Variants in SND1 observed in about 807,000 individuals in gnomAD.
SND1 encodes the protein staphylococcal nuclease domain-containing protein 1.
SND1 carries 38 observed loss-of-function variants against 121.7 expected under a neutral mutation model. The observed-to-expected ratio is 0.31, with a 90% CI of 0.24 to 0.41. The LOEUF (loss-of-function observed/expected upper bound fraction) is 0.41, where lower values mean the gene tolerates loss of function less well. Ranked by LOEUF, SND1 falls within the 10% of genes least tolerant of loss-of-function variation. The pLI, the probability that SND1 is intolerant of heterozygous loss-of-function variation, is 1.00. For missense variants in SND1, 868 were observed against 1,184.6 expected (o/e 0.73, Z 3.92); for synonymous variants, 401 against 447.4 (o/e 0.90, Z 1.31).
chr7:127,892,240 T>G lies in SND1; in HGVS notation c.1454+4228T>G, dbSNP rs149631505. Among the ~76,000 whole-genome samples the G allele has an allele frequency of 1.1e-4, 17 of 152,260 alleles. No individual in the cohort carries two copies. The East Asian group carries it at 3.3e-3, about 30-fold the overall frequency. ...TTTCTCAGGGCTCTGCAGCCCCTAC[T>G]TCCTCTGCAAAGGGATATGATCTGC... On this transcript the variant is annotated intron_variant, in intron 13 of 23. Transcript: ENST00000354725.
intron 12 of SND1, among the ~76,000 whole-genome samples, chr7:127,845,621 G>A (rs992222956): frequency 6.6e-6 from 1 of 152,198 alleles, no homozygotes; most frequent in Admixed American, 6.5e-5. Flanking sequence ...ATGCTTCCCT[G>A]TTGTAGAGAC....
At chr7:128,062,139 T>C (rs1793241626) in intron 16 of SND1, among the ~76,000 whole-genome samples, 1 of 152,234 alleles carries the variant, frequency 6.6e-6, no homozygotes, top group Non-Finnish European at 1.5e-5. Flanking sequence ...ATCTGGAGTG[T>C]AGGTTAACGG....
chr7:127,759,019 ACTCTGGC>A (rs929919329), intron 10 of SND1, among the ~76,000 whole-genome samples: 2 of 151,908 alleles, frequency 1.3e-5, no homozygotes, highest in African/African-American at 4.8e-5. Context: ...GTGCCACTGC[ACTCTGGC>A]CTGGGCGACA....
At chr7:127,680,602 C>A (rs540842775) in intron 1 of SND1, among the ~76,000 whole-genome samples, 6 of 151,874 alleles carry the variant, frequency 4.0e-5, no homozygotes, top group African/African-American at 9.7e-5. Flanking sequence ...CCCGGCTCAC[C>A]GGCGGTCAGA....
At chr7:127,654,036 A>G (rs2116215093) in intron 1 of SND1, among the ~76,000 whole-genome samples, 1 of 152,340 alleles carries the variant, frequency 6.6e-6, no homozygotes, top group African/African-American at 2.4e-5. Context: ...GTTTGGCAGT[A>G]AGAAAGAGTG....
At chr7:127,914,744 C>A (rs1800535384) in intron 14 of SND1, among the ~76,000 whole-genome samples, 1 of 152,162 alleles carries the variant, frequency 6.6e-6, no homozygotes, top group Non-Finnish European at 1.5e-5. Context: ...GGGTGCATGT[C>A]TTCTAGAATA....
intron 13 of SND1, among the ~76,000 whole-genome samples, chr7:127,894,181 A>C (rs1178864053): frequency 6.6e-6 from 1 of 152,112 alleles, no homozygotes; most frequent in Non-Finnish European, 1.5e-5. Context: ...TGGGGGCCAC[A>C]GTGGGCTTTC....
At chr7:127,789,132 T>C (rs6467151) in intron 10 of SND1, among the ~76,000 whole-genome samples, 149,425 of 152,340 alleles carry the variant, frequency 0.98, 73,324 homozygotes, top group Non-Finnish European at 1. Flanking sequence ...CTCTGCCTAC[T>C]ATCTACCCCT....
At chr7:128,025,624 G>A (rs1289559866) in intron 16 of SND1, among the ~76,000 whole-genome samples, 1 of 152,154 alleles carries the variant, frequency 6.6e-6, no homozygotes, top group Non-Finnish European at 1.5e-5. Flanking sequence ...TGGTACTCAC[G>A]GGATGCCTCT....
chr7:128,001,595 C>T (rs970938540), intron 16 of SND1, among the ~76,000 whole-genome samples: 3 of 152,194 alleles, frequency 2.0e-5, no homozygotes, highest in African/African-American at 4.8e-5. Flanking sequence ...AGATATTAAA[C>T]ACTCAGTGAA....
intron 16 of SND1, among the ~76,000 whole-genome samples, chr7:128,006,260 A>G (rs1384358560): frequency 6.6e-6 from 1 of 151,968 alleles, no homozygotes; most frequent in African/African-American, 2.4e-5. Context: ...GTGTGTGTTC[A>G]GCCTCACTGG....
chr7:128,075,824 G>A (rs1275391374), intron 17 of SND1, among the ~76,000 whole-genome samples: 4 of 152,246 alleles, frequency 2.6e-5, no homozygotes, highest in South Asian at 4.1e-4. Context: ...CCAGAATGAG[G>A]GGGAAGCAGG....
chr7:127,984,393 C>T (rs886455909), intron 15 of SND1, among the ~76,000 whole-genome samples: 2 of 152,260 alleles, frequency 1.3e-5, no homozygotes, highest in East Asian at 1.9e-4. Context: ...GTTATATAAC[C>T]ATGGGAAAGT....
chr7:128,049,020 C>A (rs1269259290), intron 16 of SND1, among the ~76,000 whole-genome samples: 2 of 152,194 alleles, frequency 1.3e-5, no homozygotes, highest in African/African-American at 4.8e-5. Context: ...TCCTTCTAAG[C>A]AGCCTTGGCT....
intron 1 of SND1, among the ~76,000 whole-genome samples, chr7:127,655,536 T>C (rs1374253272): frequency 6.6e-6 from 1 of 152,244 alleles, no homozygotes; most frequent in Non-Finnish European, 1.5e-5. Flanking sequence ...TTGTATTTTC[T>C]GAGTTGGGAT....
At chr7:128,060,078 G>A (rs1793206414) in intron 16 of SND1, among the ~76,000 whole-genome samples, 1 of 152,194 alleles carries the variant, frequency 6.6e-6, no homozygotes, top group African/African-American at 2.4e-5. Flanking sequence ...AAAATAGTGG[G>A]TGTGGGTTGC....
At chr7:127,887,099 TC>T (rs1017114750) in intron 12 of SND1, among the ~76,000 whole-genome samples, 8 of 151,998 alleles carry the variant, frequency 5.3e-5, no homozygotes, top group African/African-American at 1.9e-4. Flanking sequence ...AAACTCCTGA[TC>T]CTCCTCCCTC....
chr7:127,876,039 A>C (rs1022340837), intron 12 of SND1, among the ~76,000 whole-genome samples: 4 of 152,120 alleles, frequency 2.6e-5, no homozygotes, highest in African/African-American at 9.7e-5. Flanking sequence ...TAATAAATGT[A>C]CAGCGTTTAG....
intron 11 of SND1, among the ~76,000 whole-genome samples, chr7:127,816,972 G>A (rs1798454982): frequency 6.6e-6 from 1 of 152,068 alleles, no homozygotes; most frequent in Non-Finnish European, 1.5e-5. Flanking sequence ...GTTCATTTTT[G>A]TTATTCATTC....
Sources: gnomAD v4.1 joint callset for allele counts (sites outside exome capture counted in the v4.1 genomes callset) on GRCh38, gnomAD v4.1.1 for gene constraint, MANE v1.5 for transcripts, NCBI Gene and HGNC (gene_info 2026-07-23, HGNC 2026-07-21) for gene names.